Variants in EPHA3 observed in about 807,000 individuals in gnomAD.
The protein encoded by EPHA3 is EPH receptor A3, also known as ephrin type-A receptor 3.
EPHA3 carries 42 observed loss-of-function variants against 107.1 expected under a neutral mutation model. That is an observed-to-expected ratio of 0.39 (90% confidence interval 0.31 to 0.51). The LOEUF is 0.51. EPHA3 is among the 20% of genes least tolerant of loss of function. The probability of loss-of-function intolerance (pLI) is 0.78; values close to 1 mark genes in which losing one functional copy is unlikely to be tolerated. For missense variants in EPHA3, 1,183 were observed against 1,211.2 expected (o/e 0.98, Z 0.35); for synonymous variants, 461 against 424.8 (o/e 1.09, Z -1.05).
chr3:89,122,307 T>C (rs1460620670), intron 1 of EPHA3, among the ~76,000 whole-genome samples: 2 of 152,216 alleles, frequency 1.3e-5, no homozygotes, highest in Non-Finnish European at 2.9e-5. Context: ...ATTTTTGTTG[T>C]AGTGGTTTTA....
intron 5 of EPHA3, among the ~76,000 whole-genome samples, chr3:89,383,053 A>G (rs889699154): frequency 1.3e-5 from 2 of 152,248 alleles, no homozygotes; most frequent in Non-Finnish European, 2.9e-5. Flanking sequence ...AGTAAAACAT[A>G]CAATGAATTA....
chr3:89,416,662 T>C (rs1044356319), intron 10 of EPHA3, among the ~76,000 whole-genome samples: 3 of 151,424 alleles, frequency 2.0e-5, no homozygotes, highest in African/African-American at 7.3e-5. Context: ...TTTTATAATA[T>C]ATTGGCGGCT....
chr3:89,224,528 A>G (rs545715553), intron 3 of EPHA3, among the ~76,000 whole-genome samples: 2 of 152,164 alleles, frequency 1.3e-5, no homozygotes, highest in Admixed American at 6.6e-5. Flanking sequence ...ATTAATTTCT[A>G]TTAAAGGTAG....
rs138396440 is a variant in EPHA3, at chr3:89,123,128, C to T, written c.89-4081C>T. Among the ~76,000 whole-genome samples, 898 of 152,100 alleles carry T rather than the reference C, an allele frequency of 5.9e-3. 5 individuals are homozygous for T. The highest frequency in any genetic ancestry group is 1.0e-2 in the Non-Finnish European group (679 of 67,916). On this transcript the variant is annotated intron_variant, in intron 1 of 16. Transcript: ENST00000336596. ...GAGCCAATTTGCTCTATACTTTCCT[C>T]CTTTTTTTGTTTGTTTGCTTTGTTT... is the stretch of plus-strand genomic sequence containing the variant.
At chr3:89,439,529 A>G (rs1709740863) in intron 13 of EPHA3, among the ~76,000 whole-genome samples, 1 of 152,132 alleles carries the variant, frequency 6.6e-6, no homozygotes, top group African/African-American at 2.4e-5. Flanking sequence ...ATCCCCTGCT[A>G]CGTTTCTACT....
chr3:89,331,751 G>T (rs1707295390), intron 3 of EPHA3, among the ~76,000 whole-genome samples: 1 of 151,934 alleles, frequency 6.6e-6, no homozygotes, highest in Non-Finnish European at 1.5e-5. Flanking sequence ...ATATTTGATT[G>T]GTAACCAAAC....
chr3:89,176,478 C>G (rs1242202714), intron 2 of EPHA3, among the ~76,000 whole-genome samples: 1 of 116,152 alleles, frequency 8.6e-6, no homozygotes, highest in Admixed American at 1.1e-4. Flanking sequence ...CCCTGGGTGA[C>G]AGAGCAAGAT....
chr3:89,270,691 C>T (rs1440796209), intron 3 of EPHA3, among the ~76,000 whole-genome samples: 1 of 151,994 alleles, frequency 6.6e-6, no homozygotes, highest in East Asian at 1.9e-4. Context: ...TGTCAACTTG[C>T]AAATATTATT....
intron 2 of EPHA3, among the ~76,000 whole-genome samples, chr3:89,163,941 T>C (rs1231423848): frequency 1.3e-5 from 2 of 152,226 alleles, no homozygotes; most frequent in East Asian, 3.8e-4. Flanking sequence ...GATCTTTAAA[T>C]CTGATTGTGC....
In EPHA3 at chr3:89,107,670, G is replaced by A; in HGVS notation, c.-79G>A. 1 of 1,320,038 alleles carries A rather than the reference G, an allele frequency of 7.6e-7. No individual in the cohort carries two copies. Among genetic ancestry groups the A allele is most frequent in the Non-Finnish European group, 1.1e-6 (1 of 921,254 alleles). 81.8% of individuals were successfully genotyped at this position (1,320,038 alleles called of 1,614,324 possible). On this transcript the variant is annotated 5_prime_UTR_variant, in exon 1 of 17. Coordinates refer to ENST00000336596, the MANE Select transcript of EPHA3 (RefSeq NM_005233.6). ...CGAGCGGAGCATGGTAACTTCTCCA[G>A]CAATCAGAGCGCTCCCCCTCACATC...
chr3:89,446,905 A>G (rs955541536), intron 13 of EPHA3, among the ~76,000 whole-genome samples: 4 of 152,152 alleles, frequency 2.6e-5, no homozygotes, highest in African/African-American at 9.7e-5. Context: ...AACAGACCTA[A>G]GATATTTAAT....
chr3:89,177,422 C>T (rs1427527701), intron 2 of EPHA3, among the ~76,000 whole-genome samples: 1 of 152,144 alleles, frequency 6.6e-6, no homozygotes, highest in Non-Finnish European at 1.5e-5. Context: ...AAAGATTTCT[C>T]TCTCATACAT....
Position 89,260,139 on chromosome 3 carries a change from A to C in EPHA3, c.814+49619A>C, listed in dbSNP as rs531103037. 2.6e-5 allele frequency among the ~76,000 whole-genome samples: 4 copies of C among 152,348 alleles called. No homozygotes were observed. In the South Asian group the frequency reaches 8.3e-4, roughly 32 times the overall value. On this transcript the variant is annotated intron_variant, in intron 3 of 16. Coordinates refer to ENST00000336596, the MANE Select transcript of EPHA3 (RefSeq NM_005233.6). The stretch of plus-strand genomic sequence containing the variant: ...TATTGTGAGTAATGCTGAAATGAAC[A>C]TGAGAGTACAGATATCTTTACAAGG...
At chr3:89,219,688 G>GTGTTTTTTTTTGTTTTTTTTGTT in intron 3 of EPHA3, among the ~76,000 whole-genome samples, 1 of 34,440 alleles carries the variant, frequency 2.9e-5, no homozygotes, top group Non-Finnish European at 5.2e-5. Context: ...ATTTGGCAAT[G>GTGTTTTTTTTTGTTTTTTTTGTT]TTTTTTTTTT....
rs748606864 is a variant in EPHA3 at position 89,419,319 on chromosome 3, T to C, written c.2003T>C (p.Leu668Pro). 11 of 1,610,474 alleles carry C rather than the reference T, an allele frequency of 6.8e-6. No individual in the cohort carries two copies. The South Asian group carries it at 1.2e-4, about 18-fold the overall frequency. ...GYTEKQRRDF[L>P]GEASIMGQFD... ...ACAGAAAAGCAGAGGAGAGACTTCC[T>C]GGGAGAAGCAAGCATTATGGGACAG... The change falls in exon 11 of 17, where the codon CTG (leucine) becomes CCG (proline). Residue 668 changes from leucine (L) to proline (P), a missense_variant. Leu to Pro is a moderately conservative substitution (Grantham distance 98). Transcript: ENST00000336596.
chr3:89,125,300 C>T (rs1704070798), intron 1 of EPHA3, among the ~76,000 whole-genome samples: 1 of 151,674 alleles, frequency 6.6e-6, no homozygotes, highest in Admixed American at 6.6e-5. Flanking sequence ...ATATAAAGCT[C>T]AGAGAAATTA....
At chr3:89,217,270 T>C (rs184152667) in intron 3 of EPHA3, among the ~76,000 whole-genome samples, 27 of 152,318 alleles carry the variant, frequency 1.8e-4, no homozygotes, top group Non-Finnish European at 3.2e-4. Context: ...ATCACATAAC[T>C]AGAAAAGCTG....
At chr3:89,381,555 T>C (rs1165520462) in intron 5 of EPHA3, among the ~76,000 whole-genome samples, 1 of 151,428 alleles carries the variant, frequency 6.6e-6, no homozygotes, top group Admixed American at 6.6e-5. Flanking sequence ...TGCAATTCCA[T>C]CTACTGGGGA....
chr3:89,468,354 T>A (rs936738659), intron 15 of EPHA3, among the ~76,000 whole-genome samples: 1 of 152,200 alleles, frequency 6.6e-6, no homozygotes, highest in African/African-American at 2.4e-5. Flanking sequence ...CTATTTCAAT[T>A]TGTTTATACT....
Sources: gnomAD v4.1 joint callset for allele counts (sites outside exome capture counted in the v4.1 genomes callset) on GRCh38, gnomAD v4.1.1 for gene constraint, MANE v1.5 for transcripts, NCBI Gene and HGNC (gene_info 2026-07-23, HGNC 2026-07-21) for gene names.